NFX1: variants seen among roughly 807,000 people sequenced by gnomAD.
The protein encoded by NFX1 is nuclear transcription factor, X-box binding 1, also known as transcriptional repressor NF-X1.
A neutral mutation model predicts 137.2 loss-of-function variants in NFX1; 69 were observed. The observed-to-expected ratio is 0.50, with a 90% CI of 0.41 to 0.61. NFX1 has a LOEUF of 0.61. Among genes scored for constraint, NFX1 ranks in the 20% least tolerant of loss-of-function variants. The pLI is 0.00. For missense variants in NFX1, 1,167 were observed against 1,391.0 expected, an observed-to-expected ratio of 0.84 and a Z score of 2.56; for synonymous variants, 495 against 474.1, an observed-to-expected ratio of 1.04 and a Z score of -0.57.
At position 33,318,810 on chromosome 9, in the gene NFX1, C is replaced by G. The variant is rs1822274188; in HGVS notation, c.1668C>G (p.Ser556Arg). Reference sequence around the variant, plus strand: ...AGTCTGATGGATTTGGGGATTTCAGCTGTTTAAAGATATGTGGCAAGTAAG... The same window carrying G: ...AGTCTGATGGATTTGGGGATTTCAGGTGTTTAAAGATATGTGGCAAGTAAG... ...VGKSDGFGDFSCLKICGKDLK... is the reference protein window; with the variant it reads ...VGKSDGFGDFRCLKICGKDLK... The change falls in exon 8 of 24, where the codon AGC becomes AGG. Residue 556 changes from serine to arginine, a missense_variant. Coordinates refer to ENST00000379540, the MANE Select transcript of NFX1 (RefSeq NM_002504.6). 6.2e-7 allele frequency: 1 copy of G among 1,614,184 alleles called. No homozygotes were observed. Among genetic ancestry groups the G allele is most frequent in the Non-Finnish European group, 8.5e-7 (1 of 1,180,026 alleles).
rs748341054 is a variant in NFX1 at position 33,320,468 on chromosome 9, CTTG to C, written c.1906+1345_1906+1347del. The stretch of plus-strand genomic sequence containing the variant: ...TGAGCAGTTTGAATTGTTGTATCTG[CTTG>C]TTGAAGCTTTTTGTTGTTTATATTC... On this transcript the variant is annotated intron_variant, in intron 9 of 23. Transcript: ENST00000379540. Among the ~76,000 whole-genome samples the C allele has an allele frequency of 4.6e-5, 7 of 152,224 alleles. No individual in the cohort carries two copies. The East Asian group carries it at 1.4e-3, about 29-fold the overall frequency.
chr9:33,355,482 T>G (rs1823778629), intron 19 of NFX1, among the ~76,000 whole-genome samples: 1 of 152,230 alleles, frequency 6.6e-6, no homozygotes, highest in African/African-American at 2.4e-5. Context: ...TTTCGTTATA[T>G]TTTTGTGACA....
At chr9:33,329,672 A>C (rs1356620727) in intron 10 of NFX1, among the ~76,000 whole-genome samples, 1 of 142,864 alleles carries the variant, frequency 7.0e-6, no homozygotes, top group African/African-American at 2.6e-5. Context: ...TTATTTATTT[A>C]TTTTGAGACA....
intron 6 of NFX1, among the ~76,000 whole-genome samples, chr9:33,312,878 C>T (rs1431935775): frequency 6.6e-6 from 1 of 152,010 alleles, no homozygotes; most frequent in Non-Finnish European, 1.5e-5. Flanking sequence ...CTCAAATAAA[C>T]AACAACAAAA....
At chr9:33,361,775 G>A (rs1307130872) in intron 19 of NFX1, among the ~76,000 whole-genome samples, 1 of 149,114 alleles carries the variant, frequency 6.7e-6, no homozygotes, top group Non-Finnish European at 1.5e-5. Context: ...TGGGCGACAA[G>A]AGCAAGACTC....
chr9:33,295,200 A>G lies in NFX1; in HGVS notation c.806A>G (p.His269Arg). ...CCACCAAAACAGGAGGGCCACCGACATACAAACGCAGGACACAGAAACAAC... is the reference window on the plus strand; with the variant it reads ...CCACCAAAACAGGAGGGCCACCGACGTACAAACGCAGGACACAGAAACAAC... ...RNPPKQEGHR[H>R]TNAGHRNNMG... The change falls in exon 2 of 24, where the codon CAT (histidine) becomes CGT (arginine). Residue 269 changes from histidine (H) to arginine (R), a missense_variant. Physicochemically the swap from His to Arg is conservative, Grantham distance 29 (BLOSUM62 0). Transcript: ENST00000379540. 4 of 1,614,230 alleles carry G rather than the reference A, an allele frequency of 2.5e-6. No individual in the cohort carries two copies. The highest frequency in any genetic ancestry group is 3.4e-6 in the Non-Finnish European group (4 of 1,180,038).
chr9:33,305,595 C>G (rs1465187453), intron 4 of NFX1, among the ~76,000 whole-genome samples: 3 of 152,064 alleles, frequency 2.0e-5, no homozygotes, highest in Admixed American at 2.0e-4. Flanking sequence ...TATTTTGGAG[C>G]CTAAATAATT....
chr9:33,300,564 A>G (rs1821521205), intron 2 of NFX1, among the ~76,000 whole-genome samples: 1 of 152,232 alleles, frequency 6.6e-6, no homozygotes, highest in East Asian at 1.9e-4. Context: ...ATCTGGCTGT[A>G]TTGAAATCTA....
Position 33,318,362 on chromosome 9 carries a change from G to A in NFX1, c.1589-369G>A, listed in dbSNP as rs1191391748. 3.3e-5 allele frequency among the ~76,000 whole-genome samples: 5 copies of A among 152,166 alleles called. No individual in the cohort carries two copies. In the East Asian group the frequency reaches 5.8e-4, roughly 18 times the overall value. On this transcript the variant is annotated intron_variant, in intron 7 of 23. Coordinates refer to ENST00000379540, the MANE Select transcript of NFX1 (RefSeq NM_002504.6). The stretch of plus-strand genomic sequence containing the variant: ...CTCCTGTAACATCACCAGAGGACCC[G>A]CAGGAGCCTCACAGTGAATGGTGTT...
intron 19 of NFX1, among the ~76,000 whole-genome samples, chr9:33,362,009 T>C (rs1400270151): frequency 6.6e-6 from 1 of 151,140 alleles, no homozygotes; most frequent in Non-Finnish European, 1.5e-5. Context: ...TAGTGCCAGC[T>C]ACTGGAGAGG....
At chr9:33,358,519 G>T (rs1823886855) in intron 19 of NFX1, among the ~76,000 whole-genome samples, 1 of 151,728 alleles carries the variant, frequency 6.6e-6, no homozygotes. Context: ...AAAAAAAAAT[G>T]CAAATTACAA....
chr9:33,344,457 T>C (rs1564136705), intron 14 of NFX1, among the ~76,000 whole-genome samples: 1 of 152,234 alleles, frequency 6.6e-6, no homozygotes, highest in South Asian at 2.1e-4. Flanking sequence ...AACTTTTCTT[T>C]CTTTGTGGTC....
intron 15 of NFX1, among the ~76,000 whole-genome samples, chr9:33,349,012 T>A (rs1587867055): frequency 6.6e-6 from 1 of 152,260 alleles, no homozygotes; most frequent in Admixed American, 6.5e-5. Context: ...ATTCCTCCAC[T>A]GATTTCCTGT....
In NFX1 at chr9:33,311,133, C is replaced by T; in HGVS notation, c.1404C>T (p.Pro468=). 1.9e-6 allele frequency: 3 copies of T among 1,614,190 alleles called. No individual in the cohort carries two copies. Among genetic ancestry groups the T allele is most frequent in the African/African-American group, 1.3e-5 (1 of 75,056 alleles). ...NLLCHPGPCP[P]CPAFMTKTCE... is the part of the protein sequence containing the mutation. Reference sequence around the variant, plus strand: ...TCTGCCATCCAGGACCCTGCCCACCCTGCCCTGCCTTTATGACAAAAACAT... The same window carrying T: ...TCTGCCATCCAGGACCCTGCCCACCTTGCCCTGCCTTTATGACAAAAACAT... The change falls in exon 6 of 24, where the codon CCC becomes CCT. Residue 468 remains proline (P), a synonymous_variant. Transcript: ENST00000379540.
intron 7 of NFX1, among the ~76,000 whole-genome samples, chr9:33,315,759 G>A (rs1356085019): frequency 6.6e-6 from 1 of 151,930 alleles, no homozygotes; most frequent in Non-Finnish European, 1.5e-5. Context: ...AGACATGGTG[G>A]CATGTATCTG....
chr9:33,337,355 A>G (rs143387337), intron 11 of NFX1, among the ~76,000 whole-genome samples: 9 of 152,200 alleles, frequency 5.9e-5, no homozygotes, highest in Non-Finnish European at 1.0e-4. Context: ...GAGGGTGTGC[A>G]TAGGTTATAT....
chr9:33,327,404 G>T (rs1345973452), intron 9 of NFX1, among the ~76,000 whole-genome samples: 3 of 152,112 alleles, frequency 2.0e-5, no homozygotes, highest in Admixed American at 1.3e-4. Flanking sequence ...TTGCTCTGTT[G>T]CCCAGGCTGG....
chr9:33,295,066 A>G lies in NFX1; in HGVS notation c.672A>G (p.Arg224=). 4 of 1,614,124 alleles carry G rather than the reference A, an allele frequency of 2.5e-6. No homozygotes were observed. The highest frequency in any genetic ancestry group is 3.4e-6 in the Non-Finnish European group (4 of 1,180,022). ...FHPDSSEASS[R]KGVLDGYGAR... ...CTGACTCTTCAGAGGCATCCTCTAG[A>G]AAAGGAGTATTGGATGGGTATGGAG... is the stretch of plus-strand genomic sequence containing the variant. Residue 224 remains arginine (R), a synonymous_variant, in exon 2 of 24, where the codon AGA becomes AGG. Coordinates refer to ENST00000379540, the MANE Select transcript of NFX1 (RefSeq NM_002504.6).
rs748719247 is a variant in NFX1 at position 33,318,789 on chromosome 9, T to C, written c.1647T>C (p.Ser549=). The C allele has an allele frequency of 6.2e-7, 1 of 1,614,234 alleles. No individual in the cohort carries two copies. Among genetic ancestry groups the C allele is most frequent in the Admixed American group, 1.7e-5 (1 of 60,030 alleles). ...DVLCGTDVGK[S]DGFGDFSCLK... ...TATGTGGAACCGATGTAGGAAAGTCTGATGGATTTGGGGATTTCAGCTGTT... is the reference window on the plus strand; with the variant it reads ...TATGTGGAACCGATGTAGGAAAGTCCGATGGATTTGGGGATTTCAGCTGTT... Residue 549 remains serine (S), a synonymous_variant, in exon 8 of 24, where the codon TCT becomes TCC. Transcript: ENST00000379540.
Sources: allele counts gnomAD v4.1 joint callset (sites outside exome capture counted in the v4.1 genomes callset), GRCh38; gene constraint gnomAD v4.1.1; transcripts MANE v1.5; gene names NCBI Gene and HGNC (gene_info 2026-07-23, HGNC 2026-07-21).